NRAP: variants seen among roughly 807,000 people sequenced by gnomAD.
The protein encoded by NRAP is nebulin related anchoring protein.
In NRAP, 189 loss-of-function variants were observed where a neutral mutation model predicts 225.9. The observed-to-expected ratio is 0.84, with a 90% CI of 0.74 to 0.94. The LOEUF is 0.94. Among genes scored for constraint, NRAP ranks in the 40% least tolerant of loss-of-function variants. The pLI is 0.00. For missense variants in NRAP, 2,176 were observed against 2,168.7 expected, an observed-to-expected ratio of 1.00 and a Z score of -0.07; for synonymous variants, 769 against 790.7, an observed-to-expected ratio of 0.97 and a Z score of 0.46.
Position 113,646,966 on chromosome 10 carries a change from G to A in NRAP, c.950C>T (p.Pro317Leu), listed in dbSNP as rs1849549064. 2 of 1,614,028 alleles carry A rather than the reference G, an allele frequency of 1.2e-6. No homozygotes were observed. The highest frequency in any genetic ancestry group is 4.5e-5 in the East Asian group (2 of 44,876). Residue 317 changes from proline to leucine, a missense_variant, in exon 10 of 42, where the codon CCA becomes CTA. Transcript: ENST00000359988. The part of the protein sequence containing the change: ...GKGSFPAMIT[P>L]AYQNAKKAHE... ...AGCTTTCTTGGCGTTCTGATATGCT[G>A]GAGTGATCATAGCTGGGAAGCTGCC... is the stretch of plus-strand genomic sequence containing the variant.
intron 12 of NRAP, among the ~76,000 whole-genome samples, chr10:113,641,977 T>C (rs1324881539): frequency 1.3e-5 from 2 of 152,162 alleles, no homozygotes; most frequent in Non-Finnish European, 2.9e-5. Flanking sequence ...GTGAAATAAT[T>C]ATGTTATGTG....
intron 10 of NRAP, 35 bp from the exon 11 acceptor site, chr10:113,645,976 A>G: frequency 9.1e-7 from 1 of 1,094,992 alleles, no homozygotes; most frequent in Non-Finnish European, 1.3e-6. Context: ...GCTGGAGTTG[A>G]TGTTTCCATG....
Position 113,641,346 on chromosome 10 carries a change from C to G in NRAP, c.1323+19G>C. On this transcript the variant is annotated intron_variant, in intron 13 of 41. Coordinates refer to ENST00000359988, the MANE Select transcript of NRAP (RefSeq NM_198060.4). ...CTGCCCCACTCCATCCCAACAGACCCTGGCATAAAAGGACTCACGTTGCTT... is the reference window on the plus strand; with the variant it reads ...CTGCCCCACTCCATCCCAACAGACCGTGGCATAAAAGGACTCACGTTGCTT... 2 of 1,528,332 alleles carry G rather than the reference C, an allele frequency of 1.3e-6. No individual in the cohort carries two copies. Among genetic ancestry groups the G allele is most frequent in the Middle Eastern group, 3.4e-4 (2 of 5,880 alleles). 94.7% of individuals were successfully genotyped at this position (1,528,332 alleles called of 1,614,324 possible). A position where few individuals can be genotyped will look rare whatever the true frequency, so the allele number is the denominator to read the frequency against.
Position 113,641,415 on chromosome 10 carries a change from T to C in NRAP, c.1273A>G (p.Met425Val). The stretch of plus-strand genomic sequence containing the variant: ...ATAGCATGCAGAGTGCGTCTGTCCA[T>C]ACCAACTCCTTCATAGCGGCCTCTC... ...HMRGRYEGVG[M>V]DRRTLHAMKV... The change falls in exon 13 of 42, where the codon ATG becomes GTG. Residue 425 changes from methionine (M) to valine (V), a missense_variant. Met to Val is a conservative substitution (Grantham distance 21). Coordinates refer to ENST00000359988, the MANE Select transcript of NRAP (RefSeq NM_198060.4). 6.2e-7 allele frequency: 1 copy of C among 1,614,074 alleles called. No homozygotes were observed. The highest frequency in any genetic ancestry group is 1.1e-5 in the South Asian group (1 of 91,076).
chr10:113,652,643 A>G (rs1036328506), intron 6 of NRAP, among the ~76,000 whole-genome samples: 1 of 151,914 alleles, frequency 6.6e-6, no homozygotes, highest in African/African-American at 2.4e-5. Flanking sequence ...AATAAAATAA[A>G]AATAAAAATG....
chr10:113,628,902 C>A lies in NRAP; in HGVS notation c.2145+15G>T. 6.6e-7 allele frequency: 1 copy of A among 1,510,542 alleles called. No homozygotes were observed. The highest frequency in any genetic ancestry group is 9.1e-7 in the Non-Finnish European group (1 of 1,100,960). 93.6% of individuals were successfully genotyped at this position (1,510,542 alleles called of 1,614,324 possible). On this transcript the variant is annotated intron_variant, in intron 20 of 41. Transcript: ENST00000359988. ...CTGAGGACTACTGGAGGCCAGAGGC[C>A]CCAGTGCAGGTTACCTCGCTGACCA...
At chr10:113,606,341 G>C in intron 32 of NRAP, 59 bp from the exon 33 acceptor site, 1 of 1,065,752 alleles carries the variant, frequency 9.4e-7, no homozygotes, top group Non-Finnish European at 1.4e-6. Flanking sequence ...CATTTCTGCA[G>C]TGCTGGAAGT....
At chr10:113,647,256 T>C (rs1437803991) in intron 9 of NRAP, among the ~76,000 whole-genome samples, 2 of 152,124 alleles carry the variant, frequency 1.3e-5, no homozygotes, top group Non-Finnish European at 2.9e-5. Context: ...GCAACTGATA[T>C]CATGATCATC....
chr10:113,592,925 A>AT (rs1193854289), intron 38 of NRAP, among the ~76,000 whole-genome samples: 8 of 151,784 alleles, frequency 5.3e-5, no homozygotes, highest in African/African-American at 1.2e-4. Context: ...TTCCTCTTTC[A>AT]TTTTTTCCCT....
intron 35 of NRAP, among the ~76,000 whole-genome samples, chr10:113,598,936 C>T (rs1846442558): frequency 6.6e-6 from 1 of 152,120 alleles, no homozygotes; most frequent in Non-Finnish European, 1.5e-5. Context: ...GGTAGCCTTC[C>T]CAAATGTTGA....
rs373731158 is a variant in NRAP, at chr10:113,653,069, A to G, written c.466-30T>C. ...TGGTCAGAACCAATGTCAGCATGAG[A>G]ACTGAGATGATATTGAATGACAACT... On this transcript the variant is annotated intron_variant, in intron 5 of 41. Transcript: ENST00000359988. The G allele has an allele frequency of 2.2e-5, 27 of 1,240,682 alleles. No homozygotes were observed. The African/African-American group carries it at 4.3e-4, about 20-fold the overall frequency. The allele number at this position is 1,240,682 out of a possible 1,614,324, so 76.9% of individuals were successfully genotyped here.
chr10:113,652,013 A>C, intron 6 of NRAP, 106 bp from the exon 7 acceptor site: 2 of 732,894 alleles, frequency 2.7e-6, no homozygotes, highest in Non-Finnish European at 4.8e-6. Flanking sequence ...CACTCAATGC[A>C]AACCTGTGGC....
intron 23 of NRAP, among the ~76,000 whole-genome samples, chr10:113,622,544 A>G (rs1204239174): frequency 6.6e-6 from 1 of 152,212 alleles, no homozygotes; most frequent in Non-Finnish European, 1.5e-5. Flanking sequence ...GGCAAAAAGG[A>G]GCACATTGTT....
intron 25 of NRAP, among the ~76,000 whole-genome samples, chr10:113,618,992 A>T (rs1847826402): frequency 6.6e-6 from 1 of 152,236 alleles, no homozygotes; most frequent in South Asian, 2.1e-4. Context: ...TTCGACAGTA[A>T]CTTGTAAATG....
intron 22 of NRAP, among the ~76,000 whole-genome samples, chr10:113,623,931 C>T (rs183071570): frequency 1.3e-5 from 2 of 152,296 alleles, no homozygotes; most frequent in East Asian, 3.9e-4. Context: ...AGGATAACAT[C>T]GCACAACACA....
At chr10:113,609,121 T>C (rs1192200626) in intron 31 of NRAP, among the ~76,000 whole-genome samples, 3 of 152,004 alleles carry the variant, frequency 2.0e-5, no homozygotes, top group Admixed American at 2.0e-4. Context: ...GATCGCACCA[T>C]TGCACTCCAG....
chr10:113,618,540 A>G (rs1465262144), intron 25 of NRAP, among the ~76,000 whole-genome samples: 1 of 152,244 alleles, frequency 6.6e-6, no homozygotes, highest in Admixed American at 6.5e-5. Flanking sequence ...AGCCAAAACT[A>G]TTTACTATCT....
intron 19 of NRAP, 97 bp downstream of exon 19, chr10:113,629,491 A>G: frequency 1.2e-6 from 1 of 848,490 alleles, no homozygotes; most frequent in South Asian, 1.6e-5. Flanking sequence ...TAGTCTTCCA[A>G]GTTATGTAAT....
rs1423113689 is a variant in NRAP at position 113,650,420 on chromosome 10, AT to A, written c.783+17del. The A allele has an allele frequency of 1.3e-6, 2 of 1,559,054 alleles. No homozygotes were observed. The highest frequency in any genetic ancestry group is 1.8e-6 in the Non-Finnish European group (2 of 1,129,476). ...TCCTCTTTCTCCCTAACATGACCAC[AT>A]TGTCAAGGACACTTACATCACTTGC... is the stretch of plus-strand genomic sequence containing the variant. On this transcript the variant is annotated intron_variant, in intron 8 of 41. Transcript: ENST00000359988.
Sources: gnomAD v4.1 joint callset for allele counts (sites outside exome capture counted in the v4.1 genomes callset) on GRCh38, gnomAD v4.1.1 for gene constraint, MANE v1.5 for transcripts, NCBI Gene and HGNC (gene_info 2026-07-23, HGNC 2026-07-21) for gene names.